The following DTNB variants were observed in gnomAD, a reference collection of about 807,000 sequenced individuals.
DTNB encodes dystrobrevin beta.
In DTNB, 63 loss-of-function variants were observed where a neutral mutation model predicts 90.7. That is an observed-to-expected ratio of 0.69 (90% CI 0.57 to 0.86). DTNB has a LOEUF of 0.86. Among genes scored for constraint, DTNB ranks in the 40% least tolerant of loss-of-function variants. The pLI is 0.00. For synonymous variants in DTNB, 277 were observed against 286.7 expected (o/e 0.97, Z 0.34); for missense variants, 744 against 807.1 (o/e 0.92, Z 0.95).
At chr2:25,495,445 AAT>A (rs2068613482) in intron 9 of DTNB, among the ~76,000 whole-genome samples, 1 of 152,206 alleles carries the variant, frequency 6.6e-6, no homozygotes. Context: ...AAGTGAAAAC[AAT>A]ATATTGTCTA....
intron 8 of DTNB, among the ~76,000 whole-genome samples, chr2:25,563,145 G>A (rs773789292): frequency 1.5e-4 from 23 of 152,212 alleles, no homozygotes; most frequent in Non-Finnish European, 3.4e-4. Context: ...GTATAGTACA[G>A]TAGTAGTGTT....
intron 16 of DTNB, among the ~76,000 whole-genome samples, chr2:25,411,188 A>G (rs562623282): frequency 1.3e-5 from 2 of 152,024 alleles, no homozygotes; most frequent in East Asian, 1.9e-4. Context: ...GCAAAACCCC[A>G]TCTCTACTAA....
chr2:25,396,033 C>A (rs1427430882), intron 16 of DTNB, among the ~76,000 whole-genome samples: 1 of 152,110 alleles, frequency 6.6e-6, no homozygotes, highest in Non-Finnish European at 1.5e-5. Context: ...GCCCATCAAT[C>A]AACGAGTGGA....
At chr2:25,419,917 A>G (rs994210694) in intron 15 of DTNB, among the ~76,000 whole-genome samples, 1 of 152,218 alleles carries the variant, frequency 6.6e-6, no homozygotes. Context: ...TAATAATTCT[A>G]TATTCATCAT....
Position 25,388,213 on chromosome 2 carries a change from G to A in DTNB, c.1724C>T (p.Ala575Val), listed in dbSNP as rs200891309. Reference protein sequence around the residue: ...LSGVGGDVQEAFAQGTRRNLR... With the variant: ...LSGVGGDVQEVFAQGTRRNLR... The stretch of plus-strand genomic sequence containing the variant: ...CTCCAGAAACTCACCTTGTGCGAAG[G>A]CCTCCTGCACGTCTCCCCCGACTCC... Residue 575 changes from alanine to valine, a missense_variant, in exon 17 of 21, where the codon GCC (alanine) becomes GTC (valine). Ala to Val is a moderately conservative substitution (Grantham distance 64). Transcript: ENST00000406818. The A allele has an allele frequency of 4.2e-5, 66 of 1,574,858 alleles. No individual in the cohort carries two copies. The East Asian group carries it at 1.4e-3, about 33-fold the overall frequency.
chr2:25,629,681 T>C (rs1279103041), intron 3 of DTNB, among the ~76,000 whole-genome samples: 5 of 152,126 alleles, frequency 3.3e-5, no homozygotes, highest in East Asian at 1.9e-4. Context: ...TCAATAGACA[T>C]AGAAGTAGCA....
At chr2:25,500,325 A>G (rs74452659) in intron 9 of DTNB, among the ~76,000 whole-genome samples, 385 of 152,346 alleles carry the variant, frequency 2.5e-3, no homozygotes, top group Non-Finnish European at 4.8e-3. Flanking sequence ...GAATTCAAAG[A>G]AGGCTGGTAG....
At chr2:25,530,271 C>T (rs1205919628) in intron 9 of DTNB, among the ~76,000 whole-genome samples, 2 of 151,930 alleles carry the variant, frequency 1.3e-5, no homozygotes, top group Non-Finnish European at 2.9e-5. Context: ...ACCGTCTCTA[C>T]TAAAAATTAA....
intron 8 of DTNB, among the ~76,000 whole-genome samples, chr2:25,541,591 C>A (rs929228772): frequency 6.6e-6 from 1 of 152,146 alleles, no homozygotes. Flanking sequence ...CTCAGGAACG[C>A]TTCATCTCAT....
intron 4 of DTNB, among the ~76,000 whole-genome samples, chr2:25,616,931 CAAAAAAAAAAA>C (rs70947896): frequency 1.4e-5 from 1 of 70,556 alleles, no homozygotes; most frequent in African/African-American, 6.5e-5. Flanking sequence ...GACCCCGTCT[CAAAAAAAAAAA>C]AAAAAAAAAA....
At chr2:25,637,108 A>T (rs1485764201) in intron 3 of DTNB, among the ~76,000 whole-genome samples, 2 of 152,172 alleles carry the variant, frequency 1.3e-5, no homozygotes, top group Non-Finnish European at 2.9e-5. Context: ...GAAATGGGGA[A>T]AGGATTCCCT....
At chr2:25,550,108 T>C (rs2083288351) in intron 8 of DTNB, among the ~76,000 whole-genome samples, 1 of 151,740 alleles carries the variant, frequency 6.6e-6, no homozygotes, top group South Asian at 2.1e-4. Context: ...TATGCTATTG[T>C]TGGCCGGGCG....
At chr2:25,562,579 T>A (rs2058427656) in intron 8 of DTNB, among the ~76,000 whole-genome samples, 1 of 152,206 alleles carries the variant, frequency 6.6e-6, no homozygotes, top group African/African-American at 2.4e-5. Flanking sequence ...TTCTACATCC[T>A]TGTCAACACT....
chr2:25,386,089 T>C (rs2039394098), intron 18 of DTNB: 1 of 985,500 alleles, frequency 1.0e-6, no homozygotes, highest in Non-Finnish European at 1.2e-6. Flanking sequence ...GGGCCGTGCT[T>C]CTGATGGGGG....
chr2:25,526,388 T>A (rs1173079906), intron 9 of DTNB, among the ~76,000 whole-genome samples: 1 of 62,010 alleles, frequency 1.6e-5, no homozygotes, highest in African/African-American at 7.5e-5. Flanking sequence ...TATATATATA[T>A]ATATATATTT....
chr2:25,562,625 G>C (rs555403257), intron 8 of DTNB, among the ~76,000 whole-genome samples: 2 of 152,238 alleles, frequency 1.3e-5, no homozygotes, highest in East Asian at 3.9e-4. Flanking sequence ...CTGTCCTACT[G>C]GGTACGAAAT....
At chr2:25,463,687 C>T (rs181506169) in intron 10 of DTNB, among the ~76,000 whole-genome samples, 3 of 152,308 alleles carry the variant, frequency 2.0e-5, no homozygotes, top group African/African-American at 4.8e-5. Flanking sequence ...GCTGCAGGCA[C>T]GGAACGAATA....
intron 8 of DTNB, among the ~76,000 whole-genome samples, chr2:25,557,458 A>C (rs1247826059): frequency 3.3e-5 from 5 of 152,212 alleles, no homozygotes. Flanking sequence ...CCAGCAGTCC[A>C]CTGACATCAC....
At chr2:25,459,337 T>G (rs1239462286) in intron 10 of DTNB, among the ~76,000 whole-genome samples, 1 of 152,104 alleles carries the variant, frequency 6.6e-6, no homozygotes, top group Non-Finnish European at 1.5e-5. Flanking sequence ...CCACTCTGGG[T>G]AATTAGTATT....
Sources: gnomAD v4.1 joint callset for allele counts (sites outside exome capture counted in the v4.1 genomes callset) on GRCh38, gnomAD v4.1.1 for gene constraint, MANE v1.5 for transcripts, NCBI Gene and HGNC (gene_info 2026-07-23, HGNC 2026-07-21) for gene names.